SNTG1: variants seen among roughly 807,000 people sequenced by gnomAD.
SNTG1 encodes syntrophin gamma 1.
SNTG1 carries 39 observed loss-of-function variants against 74.7 expected under a neutral mutation model. The ratio of observed to expected loss-of-function variants is 0.52; its 90% CI spans 0.40 to 0.68. SNTG1 has a LOEUF of 0.68. Among genes scored for constraint, SNTG1 ranks in the 30% least tolerant of loss-of-function variants. SNTG1 has a pLI of 0.00. For synonymous variants in SNTG1, 254 were observed against 217.1 expected, an observed-to-expected ratio of 1.17 and a Z score of -1.49; for missense variants, 685 against 609.5, an observed-to-expected ratio of 1.12 and a Z score of -1.30.
At chr8:50,687,212 A>C (rs1032127161) in intron 15 of SNTG1, among the ~76,000 whole-genome samples, 8 of 152,042 alleles carry the variant, frequency 5.3e-5, no homozygotes, top group African/African-American at 1.9e-4. Context: ...GAAACCACAA[A>C]GAAAGACAGC....
At chr8:50,172,441 G>C (rs2082839656) in intron 1 of SNTG1, 120 bp from the exon 2 acceptor site, 1 of 152,158 alleles carries the variant, frequency 6.6e-6, no homozygotes, top group African/African-American at 2.4e-5. Context: ...TGTATGATTT[G>C]AGTGTAAATA....
At chr8:50,452,318 AAC>A (rs2093465101) in intron 8 of SNTG1, among the ~76,000 whole-genome samples, 1 of 152,252 alleles carries the variant, frequency 6.6e-6, no homozygotes, top group African/African-American at 2.4e-5. Flanking sequence ...CAAGTTTGTA[AAC>A]AAGTGAGAAA....
At chr8:50,151,982 A>G (rs908941388) in intron 1 of SNTG1, among the ~76,000 whole-genome samples, 1 of 152,084 alleles carries the variant, frequency 6.6e-6, no homozygotes, top group African/African-American at 2.4e-5. Context: ...TTTCTGTCTC[A>G]TTGATCTGTC....
intron 2 of SNTG1, among the ~76,000 whole-genome samples, chr8:50,236,080 G>A (rs2085875498): frequency 6.6e-6 from 1 of 152,084 alleles, no homozygotes; most frequent in African/African-American, 2.4e-5. Context: ...GGCATTGGGA[G>A]TATGGAGGAG....
intron 11 of SNTG1, among the ~76,000 whole-genome samples, chr8:50,550,668 T>C (rs2094419599): frequency 6.6e-6 from 1 of 151,684 alleles, no homozygotes; most frequent in Admixed American, 6.6e-5. Flanking sequence ...AACTCTTCAG[T>C]GATGTAATTT....
intron 5 of SNTG1, among the ~76,000 whole-genome samples, chr8:50,443,672 A>G (rs1357711159): frequency 6.6e-6 from 1 of 152,186 alleles, no homozygotes; most frequent in Non-Finnish European, 1.5e-5. Context: ...ATCAATTGTT[A>G]TAAGCAGTAG....
At chr8:50,785,115 A>T (rs2095670975) in intron 18 of SNTG1, among the ~76,000 whole-genome samples, 1 of 152,014 alleles carries the variant, frequency 6.6e-6, no homozygotes, top group Non-Finnish European at 1.5e-5. Context: ...TTAAATACCT[A>T]ATCTTTCTCA....
chr8:50,642,565 G>T (rs769267274), intron 13 of SNTG1, among the ~76,000 whole-genome samples: 1 of 151,980 alleles, frequency 6.6e-6, no homozygotes, highest in Non-Finnish European at 1.5e-5. Flanking sequence ...CCCCAAGATC[G>T]TCCTGGCAAG....
chr8:50,189,237 T>A (rs2083483099), intron 2 of SNTG1, among the ~76,000 whole-genome samples: 1 of 152,162 alleles, frequency 6.6e-6, no homozygotes. Context: ...ATTAATGGGA[T>A]AGAAATATAG....
intron 17 of SNTG1, chr8:50,709,299 A>G: frequency 2.9e-6 from 1 of 350,036 alleles, no homozygotes; most frequent in East Asian, 4.3e-5. Context: ...TCTTCCCCAA[A>G]AAGCAGTTTT....
At chr8:50,079,559 T>G (rs1478886601) in intron 1 of SNTG1, among the ~76,000 whole-genome samples, 1 of 152,144 alleles carries the variant, frequency 6.6e-6, no homozygotes, top group Non-Finnish European at 1.5e-5. Context: ...CAGAAGCTCT[T>G]TAGTTTAATT....
chr8:50,550,697 A>ATATATATATATATATG (rs1563561472), intron 11 of SNTG1, among the ~76,000 whole-genome samples: 20 of 149,882 alleles, frequency 1.3e-4, no homozygotes, highest in African/African-American at 5.1e-4. Context: ...GTGTGTGTAT[A>ATATATATATATATATG]TATATATATA....
intron 13 of SNTG1, among the ~76,000 whole-genome samples, chr8:50,619,279 A>T (rs2094904937): frequency 6.6e-6 from 1 of 152,232 alleles, no homozygotes; most frequent in Admixed American, 6.5e-5. Flanking sequence ...TGATAGTAAT[A>T]GCAAAATTAG....
chr8:50,682,058 T>A (rs1335932557), intron 15 of SNTG1, among the ~76,000 whole-genome samples: 1 of 152,204 alleles, frequency 6.6e-6, no homozygotes, highest in African/African-American at 2.4e-5. Context: ...AACAAATGCT[T>A]GTTCCTTGGT....
chr8:50,297,041 G>A (rs2089416161), intron 2 of SNTG1, among the ~76,000 whole-genome samples: 1 of 152,126 alleles, frequency 6.6e-6, no homozygotes, highest in Non-Finnish European at 1.5e-5. Context: ...GCACAGATTA[G>A]AATACATGGC....
intron 8 of SNTG1, among the ~76,000 whole-genome samples, chr8:50,461,946 T>G (rs544970449): frequency 6.6e-6 from 1 of 152,180 alleles, no homozygotes; most frequent in South Asian, 2.1e-4. Context: ...AGGAAACATG[T>G]GTATACATGC....
At chr8:49,972,445 T>G (rs1346718816) in intron 1 of SNTG1, among the ~76,000 whole-genome samples, 1 of 152,140 alleles carries the variant, frequency 6.6e-6, no homozygotes, top group East Asian at 1.9e-4. Flanking sequence ...CCATTCAGGA[T>G]ATAGGCATGG....
chr8:50,147,037 T>TG (rs35320477), intron 1 of SNTG1, among the ~76,000 whole-genome samples: 3,982 of 152,268 alleles, frequency 0.026, 189 homozygotes, highest in African/African-American at 0.089. Flanking sequence ...ATTTTTAATT[T>TG]TTTTTTTACC....
At chr8:50,717,654 G>A (rs146484126) in intron 17 of SNTG1, among the ~76,000 whole-genome samples, 147 of 152,264 alleles carry the variant, frequency 9.7e-4, no homozygotes, top group Admixed American at 2.6e-3. Context: ...ACATCAGGGA[G>A]TTGCTTCTGC....
Sources: gnomAD v4.1 joint callset for allele counts (sites outside exome capture counted in the v4.1 genomes callset) on GRCh38, gnomAD v4.1.1 for gene constraint, MANE v1.5 for transcripts, NCBI Gene and HGNC (gene_info 2026-07-23, HGNC 2026-07-21) for gene names.